The following ZNF385B variants were observed in gnomAD, a reference collection of about 807,000 sequenced individuals.
The protein encoded by ZNF385B is zinc finger protein 533.
In ZNF385B, 23 loss-of-function variants were observed where a neutral mutation model predicts 39.2. The ratio of observed to expected loss-of-function variants is 0.59; its 90% CI spans 0.42 to 0.83. The LOEUF is 0.83. Ranked by LOEUF, ZNF385B falls within the 40% of genes least tolerant of loss-of-function variation. The probability of loss-of-function intolerance (pLI) is 0.00; values close to 1 mark genes in which losing one functional copy is unlikely to be tolerated. For missense variants in ZNF385B, 552 were observed against 598.9 expected (o/e 0.92, Z 0.82); for synonymous variants, 205 against 222.6 (o/e 0.92, Z 0.70).
intron 3 of ZNF385B, among the ~76,000 whole-genome samples, chr2:179,705,546 C>T (rs959659636): frequency 6.6e-6 from 1 of 152,206 alleles, no homozygotes; most frequent in Non-Finnish European, 1.5e-5. Flanking sequence ...CTTCACCTCA[C>T]CTGTCTATTC....
chr2:179,696,325 A>ATTTTTTTT (rs1333224792), intron 3 of ZNF385B, among the ~76,000 whole-genome samples: 33 of 9,824 alleles, frequency 3.4e-3, no homozygotes, highest in South Asian at 5.1e-3. Flanking sequence ...ACAAACTGGG[A>ATTTTTTTT]CTTTTTTTTT....
Position 179,838,930 on chromosome 2 carries a change from G to T in ZNF385B, c.-155+22171C>A, listed in dbSNP as rs564011070. On this transcript the variant is annotated intron_variant, in intron 1 of 9. Transcript: ENST00000410066. ...TTATTACTGTAAACCAAAAAAAAAG[G>T]GGGGGGGGCATTTTGCTGCTCCTTG... Among the ~76,000 whole-genome samples, 84 of 148,610 alleles carry T rather than the reference G, an allele frequency of 5.7e-4. No individual in the cohort carries two copies. The East Asian group carries it at 0.015, about 26-fold the overall frequency.
At chr2:179,569,383 C>G (rs759652188) in intron 3 of ZNF385B, among the ~76,000 whole-genome samples, 1 of 152,202 alleles carries the variant, frequency 6.6e-6, no homozygotes, top group South Asian at 2.1e-4. Context: ...TCCTGATTAC[C>G]GCCAAATAAA....
intron 5 of ZNF385B, among the ~76,000 whole-genome samples, chr2:179,511,515 C>CA (rs1403610485): frequency 1.3e-5 from 2 of 152,128 alleles, no homozygotes; most frequent in African/African-American, 4.8e-5. Context: ...ATGACAGACA[C>CA]AAAATGCATA....
intron 6 of ZNF385B, among the ~76,000 whole-genome samples, chr2:179,473,853 G>A (rs1466213104): frequency 6.6e-6 from 1 of 152,122 alleles, no homozygotes; most frequent in African/African-American, 2.4e-5. Context: ...CAAAGGATGT[G>A]AACTCATTCT....
At chr2:179,590,519 C>T (rs1047292147) in intron 3 of ZNF385B, among the ~76,000 whole-genome samples, 4 of 152,144 alleles carry the variant, frequency 2.6e-5, no homozygotes, top group African/African-American at 9.7e-5. Flanking sequence ...TTTCTGCACT[C>T]CTGAGAATTT....
chr2:179,823,159 T>G (rs1575556737), intron 1 of ZNF385B, among the ~76,000 whole-genome samples: 1 of 152,274 alleles, frequency 6.6e-6, no homozygotes, highest in East Asian at 1.9e-4. Context: ...GATAAAGCAG[T>G]TGAGGTGATA....
chr2:179,584,423 G>C (rs1558944517), intron 3 of ZNF385B, among the ~76,000 whole-genome samples: 1 of 152,128 alleles, frequency 6.6e-6, no homozygotes, highest in Admixed American at 6.5e-5. Context: ...AACAACATGA[G>C]TCTAGGGGCA....
chr2:179,856,934 C>T (rs1462346257), intron 1 of ZNF385B, among the ~76,000 whole-genome samples: 1 of 152,142 alleles, frequency 6.6e-6, no homozygotes, highest in Non-Finnish European at 1.5e-5. Flanking sequence ...GCAGAGGCTG[C>T]TAGAAAATCC....
chr2:179,633,115 A>G (rs1477914789), intron 3 of ZNF385B, among the ~76,000 whole-genome samples: 1 of 152,220 alleles, frequency 6.6e-6, no homozygotes, highest in African/African-American at 2.4e-5. Flanking sequence ...GCTGAATTCT[A>G]CCAGAGGTAC....
chr2:179,584,123 T>C (rs564093961), intron 3 of ZNF385B: 6 of 434,772 alleles, frequency 1.4e-5, no homozygotes, highest in Non-Finnish European at 2.3e-5. Flanking sequence ...TTTTTCAACC[T>C]TGGCATTAAT....
intron 3 of ZNF385B, among the ~76,000 whole-genome samples, chr2:179,590,304 G>A (rs1363479762): frequency 1.3e-5 from 2 of 152,164 alleles, no homozygotes; most frequent in Admixed American, 6.6e-5. Context: ...TGTAAGAGAC[G>A]GGTTATGTTA....
intron 3 of ZNF385B, among the ~76,000 whole-genome samples, chr2:179,604,975 A>G (rs1401648605): frequency 1.3e-5 from 2 of 152,132 alleles, no homozygotes; most frequent in African/African-American, 2.4e-5. Flanking sequence ...GCAAATTTTA[A>G]GAAGTACTCA....
intron 3 of ZNF385B, among the ~76,000 whole-genome samples, chr2:179,652,707 C>A (rs761497910): frequency 5.3e-5 from 8 of 152,058 alleles, no homozygotes; most frequent in Non-Finnish European, 7.4e-5. Context: ...TTATCAATTT[C>A]TACATATACT....
intron 6 of ZNF385B, among the ~76,000 whole-genome samples, chr2:179,471,016 G>C (rs896174442): frequency 6.6e-5 from 10 of 152,154 alleles, no homozygotes; most frequent in Admixed American, 6.5e-4. Flanking sequence ...GTCATACATA[G>C]CTCCAAAAAT....
At chr2:179,626,228 C>T (rs189410925) in intron 3 of ZNF385B, among the ~76,000 whole-genome samples, 73 of 152,042 alleles carry the variant, frequency 4.8e-4, no homozygotes, top group Non-Finnish European at 9.6e-4. Flanking sequence ...AAACATACTT[C>T]TTAGGAGCCA....
intron 4 of ZNF385B, among the ~76,000 whole-genome samples, chr2:179,531,932 CTCT>C (rs2059278231): frequency 6.6e-6 from 1 of 152,196 alleles, no homozygotes; most frequent in Non-Finnish European, 1.5e-5. Context: ...CACATAATAG[CTCT>C]TCTTAGTGGA....
chr2:179,521,362 T>TTTTTTTTTGTTTG (rs1263647840), intron 4 of ZNF385B, among the ~76,000 whole-genome samples: 1 of 146,798 alleles, frequency 6.8e-6, no homozygotes, highest in Admixed American at 6.8e-5. Context: ...AGTTTTTTTT[T>TTTTTTTTTGTTTG]TTTTTTTTTG....
chr2:179,507,384 C>T (rs1363832259), intron 5 of ZNF385B, among the ~76,000 whole-genome samples: 1 of 152,052 alleles, frequency 6.6e-6, no homozygotes, highest in Non-Finnish European at 1.5e-5. Flanking sequence ...AAATCCTGAC[C>T]ATCTCTCAAG....
Sources: gnomAD v4.1 joint callset for allele counts (sites outside exome capture counted in the v4.1 genomes callset) on GRCh38, gnomAD v4.1.1 for gene constraint, MANE v1.5 for transcripts, NCBI Gene and HGNC (gene_info 2026-07-23, HGNC 2026-07-21) for gene names.